Variants in BLTP2 observed in about 807,000 individuals in gnomAD.
BLTP2 encodes bridge-like lipid transfer protein family member 2, also known as U937-associated antigen.
At chr17:28,638,788 G>A in the BLTP2 span, 1 of 601,090 alleles carries the variant, frequency 1.7e-6, no homozygotes, top group Non-Finnish European at 3.0e-6. Flanking sequence ...AAGATAAAAG[G>A]CTGAACTCAT....
At chr17:28,615,603 T>G in the BLTP2 span, 1 of 1,581,768 alleles carries the variant, frequency 6.3e-7, no homozygotes, top group South Asian at 1.1e-5. Flanking sequence ...GAAAGGCTCC[T>G]GAAAAGAGGA....
chr17:28,624,206 T>C, the BLTP2 span: 7 of 1,607,304 alleles, frequency 4.4e-6, no homozygotes, highest in African/African-American at 9.4e-5. Flanking sequence ...TAGCCTGATG[T>C]TGAGGTAACT....
the BLTP2 span, among the ~76,000 whole-genome samples, chr17:28,625,334 C>CAAAAAAAAAAAAAAAAAAAA: frequency 3.4e-4 from 10 of 29,048 alleles, no homozygotes; most frequent in African/African-American, 7.1e-4. Flanking sequence ...GACTCCGTCT[C>CAAAAAAAAAAAAAAAAAAAA]AAAAAAAAAA....
chr17:28,639,209 G>A, the BLTP2 span: 15 of 1,095,344 alleles, frequency 1.4e-5, no homozygotes, highest in South Asian at 5.2e-5. Flanking sequence ...CGGATTTGAG[G>A]AGGTCAAACA....
At chr17:28,639,044 A>T in the BLTP2 span, 4 of 499,348 alleles carry the variant, frequency 8.0e-6, no homozygotes, top group Non-Finnish European at 1.1e-5. Flanking sequence ...AGACAAAGAC[A>T]TTCCTTATCA....
At chr17:28,631,831 A>C in the BLTP2 span, 1 of 1,613,924 alleles carries the variant, frequency 6.2e-7, no homozygotes, top group African/African-American at 1.3e-5. Context: ...TTGAGGTATA[A>C]GCCGCTGAGT....
chr17:28,637,479 C>T, the BLTP2 span, among the ~76,000 whole-genome samples: 2 of 152,262 alleles, frequency 1.3e-5, no homozygotes, highest in East Asian at 3.9e-4. Flanking sequence ...TCTTATATGT[C>T]TTGCTTAGTA....
the BLTP2 span, among the ~76,000 whole-genome samples, chr17:28,631,060 T>G: frequency 6.6e-6 from 1 of 152,224 alleles, no homozygotes; most frequent in East Asian, 1.9e-4. Flanking sequence ...CCTACTCCTA[T>G]GGACTTTACT....
the BLTP2 span, chr17:28,631,459 G>C: frequency 8.1e-6 from 13 of 1,607,326 alleles, no homozygotes; most frequent in Middle Eastern, 1.7e-4. Flanking sequence ...AGGTAATAAA[G>C]AAAGTGTGTC....
the BLTP2 span, chr17:28,635,005 G>GGA: frequency 6.2e-7 from 1 of 1,613,306 alleles, no homozygotes; most frequent in South Asian, 1.1e-5. Flanking sequence ...GACAGGGCTT[G>GGA]GAGAGGCCCA....
chr17:28,636,304 C>G, the BLTP2 span, among the ~76,000 whole-genome samples: 1 of 152,164 alleles, frequency 6.6e-6, no homozygotes, highest in African/African-American at 2.4e-5. Flanking sequence ...CTAAGAGGGT[C>G]CCATGTCCAT....
chr17:28,615,802 TA>T, the BLTP2 span: 1 of 1,613,058 alleles, frequency 6.2e-7, no homozygotes, highest in Non-Finnish European at 8.5e-7. Flanking sequence ...TCTCACCCTG[TA>T]AGAGGAGGGG....
the BLTP2 span, among the ~76,000 whole-genome samples, chr17:28,630,071 C>G: frequency 2.1e-4 from 32 of 152,288 alleles, no homozygotes; most frequent in Admixed American, 9.2e-4. Context: ...ACCATGTTGC[C>G]CAGGCTGGTC....
the BLTP2 span, chr17:28,617,266 G>A: frequency 1.2e-6 from 2 of 1,614,122 alleles, no homozygotes; most frequent in Non-Finnish European, 8.5e-7. Context: ...GTTGTTCATG[G>A]TAAACCAGCC....
chr17:28,628,355 G>C, the BLTP2 span: 1 of 1,614,168 alleles, frequency 6.2e-7, no homozygotes, highest in Non-Finnish European at 8.5e-7. Flanking sequence ...CCCCGCTTTG[G>C]CTTTTTGGCT....
the BLTP2 span, chr17:28,643,047 A>C: frequency 6.5e-7 from 1 of 1,528,024 alleles, no homozygotes; most frequent in Non-Finnish European, 9.1e-7. Flanking sequence ...CTTCCTTTCC[A>C]GATGAGAAAG....
chr17:28,642,610 C>G, the BLTP2 span: 1 of 558,620 alleles, frequency 1.8e-6, no homozygotes, highest in African/African-American at 1.9e-5. Context: ...AAGACCGCAC[C>G]ACTGCACTCC....
At chr17:28,635,871 G>T in the BLTP2 span, 1 of 397,466 alleles carries the variant, frequency 2.5e-6, no homozygotes, top group African/African-American at 2.0e-5. Flanking sequence ...GAAAATAGGG[G>T]CCATGTGTCT....
the BLTP2 span, among the ~76,000 whole-genome samples, chr17:28,627,829 T>G: frequency 3.9e-5 from 6 of 152,170 alleles, no homozygotes; most frequent in South Asian, 1.2e-3. Context: ...TAATTTTTTT[T>G]GTATTATTTT....
Sources: allele counts gnomAD v4.1 joint callset (sites outside exome capture counted in the v4.1 genomes callset), GRCh38; gene constraint gnomAD v4.1.1; transcripts MANE v1.5; gene names NCBI Gene and HGNC (gene_info 2026-07-23, HGNC 2026-07-21).